The following TMTC4 variants were observed in gnomAD, a reference collection of about 807,000 sequenced individuals.
TMTC4 encodes protein O-mannosyl-transferase TMTC4.
In TMTC4, 65 loss-of-function variants were observed where a neutral mutation model predicts 86.0. The ratio of observed to expected loss-of-function variants is 0.76; its 90% confidence interval spans 0.62 to 0.93. The LOEUF is 0.93. TMTC4 is among the 40% of genes least tolerant of loss of function. The pLI is 0.00. For missense variants in TMTC4, 866 were observed against 948.1 expected, an observed-to-expected ratio of 0.91 and a Z score of 1.14; for synonymous variants, 379 against 382.5, an observed-to-expected ratio of 0.99 and a Z score of 0.11.
At chr13:100,673,618 T>C (rs1887416971) in intron 1 of TMTC4, among the ~76,000 whole-genome samples, 1 of 152,234 alleles carries the variant, frequency 6.6e-6, no homozygotes, top group South Asian at 2.1e-4. Flanking sequence ...GCTGAATACA[T>C]GCTACTGAAG....
chr13:100,672,711 C>CA (rs755867448), intron 1 of TMTC4, among the ~76,000 whole-genome samples: 1 of 152,152 alleles, frequency 6.6e-6, no homozygotes, highest in Non-Finnish European at 1.5e-5. Context: ...AGGCTGGAAT[C>CA]AAACTCCTGG....
At chr13:100,641,873 C>T (rs976636362) in intron 7 of TMTC4, among the ~76,000 whole-genome samples, 1 of 152,182 alleles carries the variant, frequency 6.6e-6, no homozygotes, top group Non-Finnish European at 1.5e-5. Flanking sequence ...TGATCTAGGA[C>T]TGCTGAAATA....
rs991145839 is a variant in TMTC4 at position 100,642,198 on chromosome 13, T to C, written c.741+13A>G. 9.9e-6 allele frequency: 16 copies of C among 1,613,644 alleles called. No homozygotes were observed. Among genetic ancestry groups the C allele is most frequent in the East Asian group, 2.2e-5 (1 of 44,872 alleles). On this transcript the variant is annotated intron_variant, in intron 7 of 18. Coordinates refer to ENST00000342624, the MANE Select transcript of TMTC4 (RefSeq NM_032813.5). ...ACAGAAAAAGCAGGCCCCAGCCATG[T>C]TGCGGCTCTCACCAGCACAGTGATC...
chr13:100,626,298 TAGGAG>T, intron 12 of TMTC4, 148 bp from the exon 13 acceptor site: 1 of 752,760 alleles, frequency 1.3e-6, no homozygotes, highest in South Asian at 1.7e-5. Flanking sequence ...CTACAGGGGT[TAGGAG>T]TTGCTTGTGC....
chr13:100,664,183 G>C (rs1886131995), intron 4 of TMTC4, 38 bp downstream of exon 4: 1 of 1,541,892 alleles, frequency 6.5e-7, no homozygotes, highest in Admixed American at 1.9e-5. Flanking sequence ...ACACAAGCTG[G>C]GAGGGACCTT....
chr13:100,633,929 C>G (rs928307437), intron 12 of TMTC4, among the ~76,000 whole-genome samples: 26 of 152,158 alleles, frequency 1.7e-4, no homozygotes, highest in Non-Finnish European at 8.8e-5. Flanking sequence ...CACTTGAGGT[C>G]AGGAGTTCAA....
rs1276109859 is a variant in TMTC4 at position 100,664,298 on chromosome 13, A to G, written c.258T>C (p.His86=). 1 of 1,611,846 alleles carries G rather than the reference A, an allele frequency of 6.2e-7. No individual in the cohort carries two copies. The highest frequency in any genetic ancestry group is 8.5e-7 in the Non-Finnish European group (1 of 1,178,920). ...QAETPLGDLW[H]HDFWGSRLSS... ...TCAGTCTACTGCCCCAGAAGTCATG[A>G]TGCCACAGGTCCCCCAGGGGCGTTT... The change falls in exon 4 of 19, where the codon CAT becomes CAC. Residue 86 remains histidine (H), a synonymous_variant. Transcript: ENST00000342624.
intron 5 of TMTC4, among the ~76,000 whole-genome samples, chr13:100,662,625 T>A (rs1324796588): frequency 6.6e-6 from 1 of 152,128 alleles, no homozygotes; most frequent in East Asian, 1.9e-4. Context: ...CAACAATATT[T>A]AACATCCGTG....
intron 3 of TMTC4, chr13:100,665,882 C>G: frequency 2.7e-6 from 1 of 367,988 alleles, no homozygotes; most frequent in Non-Finnish European, 5.4e-6. Flanking sequence ...ACACTGACCA[C>G]TCCCCAAGAG....
intron 12 of TMTC4, among the ~76,000 whole-genome samples, chr13:100,631,759 C>T (rs879759273): frequency 1.3e-5 from 2 of 152,020 alleles, no homozygotes; most frequent in Admixed American, 6.5e-5. Flanking sequence ...GAAAATGTGT[C>T]CCCTGAAATA....
chr13:100,615,990 G>C (rs1878423135), intron 15 of TMTC4, among the ~76,000 whole-genome samples: 1 of 151,822 alleles, frequency 6.6e-6, no homozygotes, highest in African/African-American at 2.4e-5. Flanking sequence ...GTGGCATTTG[G>C]TTTTCTGTTC....
At chr13:100,641,943 A>G (rs754682500) in intron 7 of TMTC4, among the ~76,000 whole-genome samples, 1 of 152,212 alleles carries the variant, frequency 6.6e-6, no homozygotes, top group Non-Finnish European at 1.5e-5. Context: ...GGGCCTCTCA[A>G]GAGCACTCAT....
intron 5 of TMTC4, among the ~76,000 whole-genome samples, chr13:100,660,203 C>T (rs558048413): frequency 2.0e-5 from 3 of 151,354 alleles, no homozygotes; most frequent in East Asian, 2.0e-4. Flanking sequence ...TGGTGGTGCA[C>T]GCCTGTAGTC....
rs1227181284 is a variant in TMTC4, at chr13:100,623,640, GTTTTGTTT to G, written c.1836+1887_1836+1894del. The stretch of plus-strand genomic sequence containing the variant: ...GTCAGTTTTGGAAACTACTAGTTGG[GTTTTGTTT>G]TTTTTTTTTTTTTTTTTTGCAGAAG... On this transcript the variant is annotated intron_variant, in intron 15 of 18. Transcript: ENST00000342624. Among the ~76,000 whole-genome samples, 266 of 96,172 alleles carry G rather than the reference GTTTTGTTT, an allele frequency of 2.8e-3. 1 individual carries two copies. The highest frequency in any genetic ancestry group is 8.6e-3 in the African/African-American group (251 of 29,024). 63.1% of individuals were successfully genotyped at this position (96,172 alleles called of 152,430 possible).
chr13:100,674,087 C>T, intron 1 of TMTC4: 3 of 985,018 alleles, frequency 3.0e-6, no homozygotes, highest in Non-Finnish European at 3.6e-6. Context: ...GCAGAGTTCG[C>T]AGGAGGTGGG....
At chr13:100,608,601 C>A (rs535180555) in intron 17 of TMTC4, among the ~76,000 whole-genome samples, 1 of 152,104 alleles carries the variant, frequency 6.6e-6, no homozygotes, top group Non-Finnish European at 1.5e-5. Context: ...GTTGGAGGGG[C>A]CTCTTTAGAA....
chr13:100,614,312 GTACCTGT>G lies in TMTC4; in HGVS notation c.1948_1951+3del. ...TGTGATTTGTTCCATCCAGCTTTCT[GTACCTGT>G]ATTGTCGAGGAGTATAATCATGTTG... is the stretch of plus-strand genomic sequence containing the variant. On this transcript the variant is annotated splice_donor_variant and splice_donor_region_variant and coding_sequence_variant and intron_variant, in exon 16 of 19. Coordinates refer to ENST00000342624, the MANE Select transcript of TMTC4 (RefSeq NM_032813.5). LOFTEE classifies it high-confidence loss of function. The G allele has an allele frequency of 6.2e-7, 1 of 1,608,756 alleles. No individual in the cohort carries two copies. The highest frequency in any genetic ancestry group is 8.5e-7 in the Non-Finnish European group (1 of 1,176,038).
intron 18 of TMTC4, among the ~76,000 whole-genome samples, chr13:100,606,095 A>C (rs149655675): frequency 2.1e-4 from 32 of 152,318 alleles, no homozygotes; most frequent in African/African-American, 6.7e-4. Flanking sequence ...CACCCTTCTC[A>C]GCTTAACACA....
At chr13:100,632,157 CAT>C (rs1248916661) in intron 12 of TMTC4, among the ~76,000 whole-genome samples, 1 of 151,720 alleles carries the variant, frequency 6.6e-6, no homozygotes, top group Non-Finnish European at 1.5e-5. Context: ...TAGCCTGTAA[CAT>C]ATGAAATCAC....
Sources: allele counts gnomAD v4.1 joint callset (sites outside exome capture counted in the v4.1 genomes callset), GRCh38; gene constraint gnomAD v4.1.1; transcripts MANE v1.5; gene names NCBI Gene and HGNC (gene_info 2026-07-23, HGNC 2026-07-21).